EPHA6: variants seen among roughly 807,000 people sequenced by gnomAD.
EPHA6 encodes EPH receptor A6.
Under a neutral mutation model 112.0 loss-of-function variants are expected in EPHA6, and 50 were observed. That is an observed-to-expected ratio of 0.45 (90% CI 0.36 to 0.56). The LOEUF is 0.56. EPHA6 is among the 20% of genes least tolerant of loss of function. EPHA6 has a pLI of 0.00. For synonymous variants in EPHA6, 529 were observed against 490.7 expected, an observed-to-expected ratio of 1.08 and a Z score of -1.03; for missense variants, 1,280 against 1,417.4, an observed-to-expected ratio of 0.90 and a Z score of 1.56.
intron 10 of EPHA6, among the ~76,000 whole-genome samples, chr3:97,508,832 G>T (rs193096932): frequency 6.6e-6 from 1 of 151,964 alleles, no homozygotes; most frequent in Admixed American, 6.6e-5. Flanking sequence ...TTATGAACCT[G>T]GGAGCTTCTG....
chr3:97,255,099 G>A (rs1053806512), intron 5 of EPHA6, among the ~76,000 whole-genome samples: 1 of 152,026 alleles, frequency 6.6e-6, no homozygotes, highest in Non-Finnish European at 1.5e-5. Context: ...TCACAAAGGA[G>A]TGACAGTATA....
intron 3 of EPHA6, among the ~76,000 whole-genome samples, chr3:97,046,212 G>A (rs2045500903): frequency 6.6e-6 from 1 of 152,122 alleles, no homozygotes; most frequent in South Asian, 2.1e-4. Flanking sequence ...ACAATGATGT[G>A]CAAAAACGAA....
rs1341118205 is a variant in EPHA6, at chr3:97,749,251, T to C, written c.*550T>C. 1 of 216,712 alleles carries C rather than the reference T, an allele frequency of 4.6e-6. No individual in the cohort carries two copies. The highest frequency in any genetic ancestry group is 9.3e-6 in the Non-Finnish European group (1 of 107,678). 13.4% of individuals were successfully genotyped at this position (216,712 alleles called of 1,614,324 possible). On this transcript the variant is annotated 3_prime_UTR_variant, in exon 18 of 18. Transcript: ENST00000389672. ...AATTATTTGCAGAAATGACCAGTGA[T>C]ATCATGTAATGAATTTTTGTGAGGT...
intron 11 of EPHA6, among the ~76,000 whole-genome samples, chr3:97,562,385 C>A (rs898515537): frequency 1.3e-5 from 2 of 152,058 alleles, no homozygotes; most frequent in African/African-American, 4.8e-5. Context: ...TTAATTCCAG[C>A]TCTCATGGAT....
chr3:96,865,333 C>T (rs1284402604), intron 1 of EPHA6, among the ~76,000 whole-genome samples: 2 of 152,020 alleles, frequency 1.3e-5, no homozygotes, highest in African/African-American at 2.4e-5. Context: ...AGAGTAGACA[C>T]CAAACAGCAG....
chr3:97,000,287 A>ACACACACATATATAAGC, intron 3 of EPHA6, among the ~76,000 whole-genome samples: 1 of 147,200 alleles, frequency 6.8e-6, no homozygotes, highest in African/African-American at 2.6e-5. Flanking sequence ...ACACACACAC[A>ACACACACATATATAAGC]CACACATATA....
At chr3:97,521,676 G>A (rs969096417) in intron 10 of EPHA6, among the ~76,000 whole-genome samples, 8 of 152,122 alleles carry the variant, frequency 5.3e-5, no homozygotes, top group African/African-American at 1.9e-4. Context: ...AATTCAAGAT[G>A]AGATTTGGAT....
At chr3:97,273,168 G>T (rs2079950898) in intron 5 of EPHA6, among the ~76,000 whole-genome samples, 1 of 152,184 alleles carries the variant, frequency 6.6e-6, no homozygotes, top group Non-Finnish European at 1.5e-5. Context: ...AGAAAAACAG[G>T]TATTAAAGGT....
intron 13 of EPHA6, among the ~76,000 whole-genome samples, chr3:97,621,398 C>G (rs1156903498): frequency 1.3e-5 from 2 of 151,926 alleles, no homozygotes; most frequent in African/African-American, 4.8e-5. Context: ...GCACATCCTG[C>G]ACATGTACCC....
At chr3:97,151,563 A>G (rs1292714533) in intron 3 of EPHA6, among the ~76,000 whole-genome samples, 1 of 152,044 alleles carries the variant, frequency 6.6e-6, no homozygotes, top group Non-Finnish European at 1.5e-5. Flanking sequence ...ACACACCATC[A>G]ACATAGGATC....
At chr3:96,852,952 A>G (rs1277781135) in intron 1 of EPHA6, among the ~76,000 whole-genome samples, 3 of 152,150 alleles carry the variant, frequency 2.0e-5, no homozygotes, top group Admixed American at 6.5e-5. Context: ...AACTGTCCTT[A>G]TATCAGAGGA....
intron 2 of EPHA6, among the ~76,000 whole-genome samples, chr3:96,951,419 C>T (rs2041527216): frequency 6.6e-6 from 1 of 152,038 alleles, no homozygotes; most frequent in Non-Finnish European, 1.5e-5. Flanking sequence ...ACTAAAAAGG[C>T]ACGTAACTCT....
intron 14 of EPHA6, among the ~76,000 whole-genome samples, chr3:97,716,125 A>C (rs1302412374): frequency 6.6e-6 from 1 of 152,198 alleles, no homozygotes; most frequent in Non-Finnish European, 1.5e-5. Flanking sequence ...TCATTCCCGA[A>C]ACCTGAAGCA....
intron 14 of EPHA6, among the ~76,000 whole-genome samples, chr3:97,656,184 T>G (rs2094136948): frequency 6.6e-6 from 1 of 151,966 alleles, no homozygotes; most frequent in African/African-American, 2.4e-5. Flanking sequence ...TTCTTCTCTC[T>G]GGTATTAGTT....
intron 3 of EPHA6, among the ~76,000 whole-genome samples, chr3:97,013,764 G>A (rs1417193671): frequency 6.6e-6 from 1 of 152,100 alleles, no homozygotes; most frequent in Non-Finnish European, 1.5e-5. Flanking sequence ...TCTAAAATAA[G>A]TAATATATCT....
chr3:97,487,001 T>C (rs184316462), intron 10 of EPHA6, among the ~76,000 whole-genome samples: 1 of 152,334 alleles, frequency 6.6e-6, no homozygotes, highest in East Asian at 1.9e-4. Flanking sequence ...GTCTGTTAGG[T>C]AGTCCCCTTG....
chr3:97,229,138 T>G (rs1340786545), intron 4 of EPHA6, among the ~76,000 whole-genome samples: 2 of 152,186 alleles, frequency 1.3e-5, no homozygotes, highest in African/African-American at 4.8e-5. Context: ...ATGCATAGTT[T>G]GCAAATATTT....
At chr3:96,961,754 C>A (rs765893939) in intron 2 of EPHA6, among the ~76,000 whole-genome samples, 2 of 152,152 alleles carry the variant, frequency 1.3e-5, no homozygotes, top group Non-Finnish European at 2.9e-5. Context: ...TCCTTGTTAT[C>A]ATTTGGCCAG....
chr3:97,162,436 TC>T (rs2076436016), intron 3 of EPHA6, among the ~76,000 whole-genome samples: 4 of 152,120 alleles, frequency 2.6e-5, no homozygotes, highest in Admixed American at 2.0e-4. Context: ...GGATCAGGGA[TC>T]CAGTGGACCA....
Sources: allele counts gnomAD v4.1 joint callset (sites outside exome capture counted in the v4.1 genomes callset), GRCh38; gene constraint gnomAD v4.1.1; transcripts MANE v1.5; gene names NCBI Gene and HGNC (gene_info 2026-07-23, HGNC 2026-07-21).